Variants in SEZ6L2 observed in about 807,000 individuals in gnomAD.
The protein encoded by SEZ6L2 is seizure related 6 homolog like 2, also known as seizure 6-like protein 2.
SEZ6L2 carries 44 observed loss-of-function variants against 97.0 expected under a neutral mutation model. The ratio of observed to expected loss-of-function variants is 0.45; its 90% confidence interval spans 0.36 to 0.58. The LOEUF (loss-of-function observed/expected upper bound fraction) is 0.58. Among genes scored for constraint, SEZ6L2 ranks in the 20% least tolerant of loss-of-function variants. The pLI is 0.00. For missense variants in SEZ6L2, 1,086 were observed against 1,233.3 expected (o/e 0.88, Z 1.79); for synonymous variants, 543 against 546.1 (o/e 0.99, Z 0.08).
intron 5 of SEZ6L2, among the ~76,000 whole-genome samples, chr16:29,893,265 G>A (rs569370221): frequency 6.6e-6 from 1 of 151,806 alleles, no homozygotes; most frequent in African/African-American, 2.4e-5. Flanking sequence ...CAGAGGCTGC[G>A]GTGAGCCAAG....
At chr16:29,892,760 C>G (rs1434691924) in intron 5 of SEZ6L2, among the ~76,000 whole-genome samples, 2 of 152,260 alleles carry the variant, frequency 1.3e-5, no homozygotes, top group East Asian at 1.9e-4. Flanking sequence ...ACACAGTTCT[C>G]TCTGTCTCCA....
chr16:29,892,032 C>G (rs1458775642), intron 5 of SEZ6L2, among the ~76,000 whole-genome samples: 1 of 152,168 alleles, frequency 6.6e-6, no homozygotes, highest in Non-Finnish European at 1.5e-5. Context: ...ACCTTTGAGT[C>G]TTTTCCTTCC....
chr16:29,874,275 A>G (rs1276462875), intron 12 of SEZ6L2, among the ~76,000 whole-genome samples: 1 of 152,142 alleles, frequency 6.6e-6, no homozygotes, highest in Non-Finnish European at 1.5e-5. Flanking sequence ...ACCATACCAG[A>G]GCATACTAGC....
intron 5 of SEZ6L2, among the ~76,000 whole-genome samples, chr16:29,894,912 G>T (rs1056763203): frequency 6.6e-6 from 1 of 152,138 alleles, no homozygotes; most frequent in African/African-American, 2.4e-5. Flanking sequence ...GGGCACAGTG[G>T]CTCTTGCCTG....
chr16:29,895,207 A>G lies in SEZ6L2; in HGVS notation c.853+52T>C. ...AAAAAAAAAAAAAAAAAAGATGTCC[A>G]GTGTATGCAGTATGGCCCCTGCCCT... On this transcript the variant is annotated intron_variant, in intron 5 of 17. Transcript: ENST00000617533. 1.6e-5 allele frequency: 15 copies of G among 937,984 alleles called. No individual in the cohort carries two copies. The South Asian group carries it at 2.1e-4, about 13-fold the overall frequency. 58.1% of individuals were successfully genotyped at this position (937,984 alleles called of 1,614,324 possible).
chr16:29,895,412 C>A lies in SEZ6L2; in HGVS notation c.700G>T (p.Gly234Cys). The A allele has an allele frequency of 6.2e-7, 1 of 1,614,088 alleles. No homozygotes were observed. Among genetic ancestry groups the A allele is most frequent in the Non-Finnish European group, 8.5e-7 (1 of 1,180,018 alleles). Residue 234 changes from glycine (G) to cysteine (C), a missense_variant, in exon 5 of 18, where the codon GGT becomes TGT. This residue lies in a region of SEZ6L2 where 776 missense variants were observed against 794.7 expected (regional missense o/e 0.98). Coordinates refer to ENST00000617533, the MANE Select transcript of SEZ6L2 (RefSeq NM_001243332.2). ...SQEEELLVLAGGGSPGLAPRL... is the reference protein window; with the variant it reads ...SQEEELLVLACGGSPGLAPRL... ...GGGGCCAGGCCTGGGGATCCCCCACCAGCCAGCACCAGGAGCTCCTCTTCC... is the reference window on the plus strand; with the variant it reads ...GGGGCCAGGCCTGGGGATCCCCCACAAGCCAGCACCAGGAGCTCCTCTTCC...
intron 8 of SEZ6L2, among the ~76,000 whole-genome samples, chr16:29,885,139 C>T (rs1416314849): frequency 2.0e-5 from 3 of 152,058 alleles, no homozygotes; most frequent in African/African-American, 4.8e-5. Context: ...ACCCGGAAGG[C>T]GGAGCTTGCA....
chr16:29,896,855 T>TGGTGATGATGGTGGTC lies in SEZ6L2; in HGVS notation c.462_477dup (p.Thr160AspfsTer20). The TGGTGATGATGGTGGTC allele has an allele frequency of 6.2e-7, 1 of 1,613,994 alleles. No individual in the cohort carries two copies. Among genetic ancestry groups the TGGTGATGATGGTGGTC allele is most frequent in the Non-Finnish European group, 8.5e-7 (1 of 1,179,950 alleles). On this transcript the variant is annotated frameshift_variant, in exon 3 of 18. Transcript: ENST00000617533. LOFTEE classifies it high-confidence loss of function. ...GTCACCGTAGTGGTAACAGTTGTCG[T>TGGTGATGATGGTGGTC]GGTGATGATGGTGGTCGTCGTCTCC...
intron 12 of SEZ6L2, among the ~76,000 whole-genome samples, chr16:29,875,456 T>C (rs1261526241): frequency 6.6e-6 from 1 of 152,076 alleles, no homozygotes; most frequent in Non-Finnish European, 1.5e-5. Flanking sequence ...CCAGGCCTGA[T>C]ATCCTGTGAA....
intron 1 of SEZ6L2, 58 bp from the exon 2 acceptor site, chr16:29,898,042 G>A: frequency 6.2e-7 from 1 of 1,603,840 alleles, no homozygotes; most frequent in Non-Finnish European, 8.5e-7. Flanking sequence ...CTTCTCCAGA[G>A]AGATATTTTC....
At chr16:29,885,434 C>T (rs1452878336) in intron 8 of SEZ6L2, 152 bp downstream of exon 8, 1 of 783,316 alleles carries the variant, frequency 1.3e-6, no homozygotes, top group Non-Finnish European at 2.1e-6. Flanking sequence ...TAGAAGAGAT[C>T]CTTGCAGTTT....
chr16:29,885,913 A>G, intron 7 of SEZ6L2, 164 bp from the exon 8 acceptor site: 1 of 589,232 alleles, frequency 1.7e-6, no homozygotes. Context: ...AATTTTCACA[A>G]GAACTCTTGA....
intron 1 of SEZ6L2, 30 bp downstream of exon 1, chr16:29,898,911 G>T (rs375847965): frequency 4.4e-6 from 7 of 1,585,896 alleles, no homozygotes; most frequent in Non-Finnish European, 5.2e-6. Context: ...CGCCTTCCTG[G>T]GGCCCACCCC....
At chr16:29,884,812 C>T (rs1247738538) in intron 8 of SEZ6L2, among the ~76,000 whole-genome samples, 8 of 152,008 alleles carry the variant, frequency 5.3e-5, no homozygotes, top group African/African-American at 9.7e-5. Context: ...ACTCGGGAGG[C>T]TGAGGCAGGA....
In SEZ6L2 at chr16:29,885,814, G is replaced by A. The variant is rs1021065505; in HGVS notation, c.1209-65C>T. ...TCACAAGCTGCCTCACCCCTTGCCTGCTTTCCTAACTTATTTTTATAGCTG... is the reference window on the plus strand; with the variant it reads ...TCACAAGCTGCCTCACCCCTTGCCTACTTTCCTAACTTATTTTTATAGCTG... On this transcript the variant is annotated intron_variant, in intron 7 of 17. Coordinates refer to ENST00000617533, the MANE Select transcript of SEZ6L2 (RefSeq NM_001243332.2). The A allele has an allele frequency of 4.6e-6, 7 of 1,508,480 alleles. No individual in the cohort carries two copies. In the African/African-American group the frequency reaches 9.7e-5, roughly 21 times the overall value. 93.4% of individuals were successfully genotyped at this position (1,508,480 alleles called of 1,614,324 possible).
chr16:29,884,692 TC>T (rs1413107411), intron 8 of SEZ6L2, among the ~76,000 whole-genome samples: 12 of 151,812 alleles, frequency 7.9e-5, no homozygotes, highest in Non-Finnish European at 1.8e-4. Context: ...GGCGGGCAGA[TC>T]ACCTGAGTTC....
intron 8 of SEZ6L2, among the ~76,000 whole-genome samples, chr16:29,885,274 C>T (rs1370089031): frequency 1.3e-5 from 2 of 151,990 alleles, no homozygotes; most frequent in East Asian, 1.9e-4. Context: ...CAGCTATGTC[C>T]ATCACACAGG....
intron 5 of SEZ6L2, among the ~76,000 whole-genome samples, chr16:29,890,002 G>A (rs1295417747): frequency 1.3e-5 from 2 of 151,906 alleles, no homozygotes; most frequent in African/African-American, 4.8e-5. Flanking sequence ...TCCGTCTCCC[G>A]GGTTCAAGCG....
chr16:29,898,429 C>A (rs1353360573), intron 1 of SEZ6L2, among the ~76,000 whole-genome samples: 1 of 151,554 alleles, frequency 6.6e-6, no homozygotes, highest in Non-Finnish European at 1.5e-5. Context: ...TCTTTTCTCT[C>A]TCTCTCTCTC....
Sources: allele counts gnomAD v4.1 joint callset (sites outside exome capture counted in the v4.1 genomes callset), GRCh38; gene constraint gnomAD v4.1.1; regional missense constraint gnomAD v4.1.1; transcripts MANE v1.5; gene names NCBI Gene and HGNC (gene_info 2026-07-23, HGNC 2026-07-21).